The following AGBL1 variants were observed in gnomAD, a reference collection of about 807,000 sequenced individuals.
AGBL1 encodes cytosolic carboxypeptidase 4.
A neutral mutation model predicts 118.9 loss-of-function variants in AGBL1; 130 were observed. The ratio of observed to expected loss-of-function variants is 1.09; its 90% CI spans 0.95 to 1.26. The LOEUF (loss-of-function observed/expected upper bound fraction) is 1.26. Ranked by LOEUF, AGBL1 falls within the 50% of genes most tolerant of loss-of-function variation. AGBL1 has a pLI of 0.00. For missense variants in AGBL1, 1,584 were observed against 1,298.1 expected, an observed-to-expected ratio of 1.22 and a Z score of -3.38; for synonymous variants, 555 against 478.9, an observed-to-expected ratio of 1.16 and a Z score of -2.08.
chr15:86,507,309 C>T (rs1430245245), intron 18 of AGBL1, among the ~76,000 whole-genome samples: 1 of 152,100 alleles, frequency 6.6e-6, no homozygotes, highest in African/African-American at 2.4e-5. Flanking sequence ...TGTACTCAAA[C>T]TGCAACTATT....
rs867765323 is a variant in AGBL1 at position 86,778,144 on chromosome 15, G to C, written c.3158+103708G>C. 2.6e-5 allele frequency among the ~76,000 whole-genome samples: 4 copies of C among 152,136 alleles called. No individual in the cohort carries two copies. The South Asian group carries it at 8.3e-4, about 32-fold the overall frequency. On this transcript the variant is annotated intron_variant, in intron 22 of 22. Transcript: ENST00000614907. ...CCGTAAAACCAGCAAGTTTTTATTA[G>C]TGATTTTCAAAAGGGGAGGGAGTGT... is the stretch of plus-strand genomic sequence containing the variant.
chr15:86,483,858 C>G (rs2082682362), intron 18 of AGBL1, among the ~76,000 whole-genome samples: 1 of 152,136 alleles, frequency 6.6e-6, no homozygotes, highest in Non-Finnish European at 1.5e-5. Context: ...TTAAATGAAT[C>G]CCAGCTCATC....
At chr15:86,775,889 C>G (rs1293092102) in intron 22 of AGBL1, among the ~76,000 whole-genome samples, 4 of 152,082 alleles carry the variant, frequency 2.6e-5, no homozygotes, top group African/African-American at 7.2e-5. Context: ...AATTAAATCA[C>G]CATTTCCATT....
At chr15:86,450,743 C>T (rs1566997486) in intron 18 of AGBL1, among the ~76,000 whole-genome samples, 1 of 152,148 alleles carries the variant, frequency 6.6e-6, no homozygotes, top group South Asian at 2.1e-4. Flanking sequence ...CTATAAAATG[C>T]AGACAACACC....
chr15:86,330,686 G>A (rs753710858), intron 17 of AGBL1, among the ~76,000 whole-genome samples: 3 of 152,038 alleles, frequency 2.0e-5, no homozygotes, highest in Admixed American at 6.5e-5. Flanking sequence ...TTGCAAAGAA[G>A]CTCAATGAAA....
intron 21 of AGBL1, chr15:86,631,082 A>G: frequency 6.5e-6 from 1 of 153,442 alleles, no homozygotes; most frequent in Non-Finnish European, 1.4e-5. Flanking sequence ...CTCCATCTTC[A>G]GGGGTGTCTG....
intron 23 of AGBL1, among the ~76,000 whole-genome samples, chr15:86,979,354 C>T (rs1229682390): frequency 1.3e-5 from 2 of 152,152 alleles, no homozygotes; most frequent in South Asian, 4.1e-4. Context: ...ACATTTGTTT[C>T]CCCCAATGTC....
chr15:86,881,113 G>GACCTTCATTTTGCA (rs2079885462), intron 22 of AGBL1, among the ~76,000 whole-genome samples: 1 of 152,156 alleles, frequency 6.6e-6, no homozygotes, highest in African/African-American at 2.4e-5. Flanking sequence ...TTCCTCACCA[G>GACCTTCATTTTGCA]ACATGCTAAG....
intron 17 of AGBL1, among the ~76,000 whole-genome samples, chr15:86,362,933 C>T (rs753342227): frequency 1.8e-4 from 28 of 152,190 alleles, no homozygotes; most frequent in Non-Finnish European, 7.3e-5. Context: ...TCAGGATTTG[C>T]AGTTTAACCA....
chr15:86,533,779 G>T (rs2083382857), intron 19 of AGBL1, among the ~76,000 whole-genome samples: 1 of 116,484 alleles, frequency 8.6e-6, no homozygotes, highest in African/African-American at 4.8e-5. Context: ...ATACTAGGCA[G>T]CCATAAAAAA....
At chr15:86,226,356 T>C (rs1249587944) in intron 6 of AGBL1, among the ~76,000 whole-genome samples, 1 of 152,160 alleles carries the variant, frequency 6.6e-6, no homozygotes, top group Non-Finnish European at 1.5e-5. Context: ...TAGGCCAGCC[T>C]GTGAATGTCA....
At chr15:86,471,963 T>C (rs975189250) in intron 18 of AGBL1, among the ~76,000 whole-genome samples, 1 of 152,154 alleles carries the variant, frequency 6.6e-6, no homozygotes, top group Admixed American at 6.5e-5. Context: ...CAATGACAAG[T>C]GTGCTTATAA....
intron 18 of AGBL1, among the ~76,000 whole-genome samples, chr15:86,490,243 C>A (rs1346111706): frequency 6.6e-6 from 1 of 152,096 alleles, no homozygotes; most frequent in Non-Finnish European, 1.5e-5. Context: ...TCCCCTTGCT[C>A]TTTCATCATC....
chr15:86,887,990 T>G (rs2079994945), intron 22 of AGBL1, among the ~76,000 whole-genome samples: 1 of 152,050 alleles, frequency 6.6e-6, no homozygotes, highest in African/African-American at 2.4e-5. Flanking sequence ...AATATAACAA[T>G]GAAGAAGAGG....
At chr15:86,811,315 G>A (rs2078784246) in intron 22 of AGBL1, among the ~76,000 whole-genome samples, 1 of 152,162 alleles carries the variant, frequency 6.6e-6, no homozygotes, top group Admixed American at 6.6e-5. Context: ...GAACTCGGAG[G>A]AGGATGAAAG....
chr15:86,450,200 T>G (rs1332102087), intron 18 of AGBL1, among the ~76,000 whole-genome samples: 1 of 152,230 alleles, frequency 6.6e-6, no homozygotes, highest in Non-Finnish European at 1.5e-5. Context: ...CATTTAATGA[T>G]GGATTTGACT....
At chr15:86,138,957 T>G (rs939815981) in intron 1 of AGBL1, among the ~76,000 whole-genome samples, 2 of 152,210 alleles carry the variant, frequency 1.3e-5, no homozygotes, top group Admixed American at 1.3e-4. Flanking sequence ...GTCCTGAACA[T>G]TCCCCCAAAT....
chr15:86,693,434 CTT>C, intron 22 of AGBL1, among the ~76,000 whole-genome samples: 1 of 151,938 alleles, frequency 6.6e-6, no homozygotes, highest in East Asian at 1.9e-4. Flanking sequence ...CCTTAGCCCA[CTT>C]TTTTGATGGG....
Position 86,498,557 on chromosome 15 carries a change from C to T in AGBL1, c.2556-24253C>T, listed in dbSNP as rs555595152. Among the ~76,000 whole-genome samples the T allele has an allele frequency of 3.9e-5, 6 of 151,900 alleles. No individual in the cohort carries two copies. The South Asian group carries it at 1.2e-3, about 32-fold the overall frequency. On this transcript the variant is annotated intron_variant, in intron 18 of 22. Coordinates refer to ENST00000614907, the MANE Select transcript of AGBL1 (RefSeq NM_001386094.1). Reference sequence around the variant, plus strand: ...ATTGATTACTGGGCTTAGAAAATGACATTATGAGTAGATGGAAACCCTGTA... The same window carrying T: ...ATTGATTACTGGGCTTAGAAAATGATATTATGAGTAGATGGAAACCCTGTA...
Sources: allele counts gnomAD v4.1 joint callset (sites outside exome capture counted in the v4.1 genomes callset), GRCh38; gene constraint gnomAD v4.1.1; transcripts MANE v1.5; gene names NCBI Gene and HGNC (gene_info 2026-07-23, HGNC 2026-07-21).